MGAT5B: variants seen among roughly 807,000 people sequenced by gnomAD.
MGAT5B encodes N-acetylglucosaminyl-transferase Vb.
A neutral mutation model predicts 95.1 loss-of-function variants in MGAT5B; 54 were observed. That is an observed-to-expected ratio of 0.57 (90% CI 0.46 to 0.71). The LOEUF (loss-of-function observed/expected upper bound fraction) is 0.71. Among genes scored for constraint, MGAT5B ranks in the 30% least tolerant of loss-of-function variants. The pLI, the probability that MGAT5B is intolerant of heterozygous loss-of-function variation, is 0.00. For missense variants in MGAT5B, 935 were observed against 1,088.6 expected, an observed-to-expected ratio of 0.86 and a Z score of 1.99; for synonymous variants, 464 against 451.0, an observed-to-expected ratio of 1.03 and a Z score of -0.36.
At chr17:76,921,574 C>A (rs530927732) in intron 8 of MGAT5B, among the ~76,000 whole-genome samples, 4 of 152,096 alleles carry the variant, frequency 2.6e-5, no homozygotes, top group African/African-American at 9.7e-5. Flanking sequence ...CACCTTCCAC[C>A]CACTTCCCTG....
chr17:76,902,456 A>G (rs1968346358), intron 3 of MGAT5B, 99 bp from the exon 4 acceptor site: 1 of 829,118 alleles, frequency 1.2e-6, no homozygotes, highest in Admixed American at 2.3e-5. Flanking sequence ...GGGGCATTGC[A>G]GAGCCTGCCG....
intron 8 of MGAT5B, among the ~76,000 whole-genome samples, chr17:76,922,317 C>A (rs75073763): frequency 1.3e-5 from 2 of 152,144 alleles, no homozygotes; most frequent in African/African-American, 4.8e-5. Flanking sequence ...CAGCCACCCC[C>A]TTCCTGGTTT....
intron 8 of MGAT5B, among the ~76,000 whole-genome samples, chr17:76,908,062 A>G (rs570548341): frequency 6.6e-6 from 1 of 152,320 alleles, no homozygotes; most frequent in South Asian, 2.1e-4. Context: ...TAAGGATATA[A>G]ATTCTGTGGA....
At chr17:76,885,667 G>A (rs1286235435) in intron 3 of MGAT5B, among the ~76,000 whole-genome samples, 1 of 152,192 alleles carries the variant, frequency 6.6e-6, no homozygotes, top group African/African-American at 2.4e-5. Context: ...ATCACGACCG[G>A]CAGAGCCCAT....
At chr17:76,932,979 TC>T (rs776221367) in intron 11 of MGAT5B, among the ~76,000 whole-genome samples, 1 of 152,234 alleles carries the variant, frequency 6.6e-6, no homozygotes, top group Non-Finnish European at 1.5e-5. Flanking sequence ...ACAGCTTGTC[TC>T]CCGGACTCTC....
At chr17:76,891,047 C>T (rs189548020) in intron 3 of MGAT5B, among the ~76,000 whole-genome samples, 31 of 150,608 alleles carry the variant, frequency 2.1e-4, no homozygotes, top group African/African-American at 7.6e-4. Context: ...TCACTGCAAC[C>T]TCTGCCTCTC....
At position 76,948,970 on chromosome 17, in the gene MGAT5B, C is replaced by A; in HGVS notation, c.*132C>A. 4 of 1,087,582 alleles carry A rather than the reference C, an allele frequency of 3.7e-6. No individual in the cohort carries two copies. The highest frequency in any genetic ancestry group is 5.1e-6 in the Non-Finnish European group (4 of 777,210). The allele number at this position is 1,087,582 out of a possible 1,614,324, so 67.4% of individuals were successfully genotyped here. On this transcript the variant is annotated 3_prime_UTR_variant, in exon 18 of 18. Coordinates refer to ENST00000569840, the MANE Select transcript of MGAT5B (RefSeq NM_001199172.2). The stretch of plus-strand genomic sequence containing the variant: ...CCAGGCCGGAGCTTCCTTCCTTAGC[C>A]GGGAAGCTGGCAGAGGAGAGCCGTG...
At chr17:76,931,598 T>G (rs1330925462) in intron 10 of MGAT5B, among the ~76,000 whole-genome samples, 1 of 151,714 alleles carries the variant, frequency 6.6e-6, no homozygotes, top group African/African-American at 2.4e-5. Flanking sequence ...AAAGGTGCGG[T>G]GGGAGAGAAA....
At chr17:76,911,487 T>C (rs1598948981) in intron 8 of MGAT5B, among the ~76,000 whole-genome samples, 1 of 152,130 alleles carries the variant, frequency 6.6e-6, no homozygotes, top group African/African-American at 2.4e-5. Context: ...CCTGTGGAGG[T>C]GGCCCAGATG....
At chr17:76,927,279 C>T (rs936387182) in intron 10 of MGAT5B, among the ~76,000 whole-genome samples, 2 of 152,074 alleles carry the variant, frequency 1.3e-5, no homozygotes, top group Non-Finnish European at 2.9e-5. Context: ...CTCTATTGGT[C>T]AGGTTGCAGT....
intron 3 of MGAT5B, among the ~76,000 whole-genome samples, chr17:76,893,119 C>G (rs1967939253): frequency 6.6e-6 from 1 of 152,066 alleles, no homozygotes; most frequent in African/African-American, 2.4e-5. Flanking sequence ...TCCCTGTGGC[C>G]CTTGAGTGGC....
intron 3 of MGAT5B, among the ~76,000 whole-genome samples, chr17:76,892,000 T>G (rs1468926566): frequency 1.3e-5 from 2 of 152,084 alleles, no homozygotes; most frequent in East Asian, 3.9e-4. Context: ...CCCCACTGAA[T>G]AAGAAAAAGC....
rs1968519213 is a variant in MGAT5B, at chr17:76,906,129, G to A, written c.967G>A (p.Ala323Thr). The A allele has an allele frequency of 1.2e-6, 2 of 1,607,738 alleles. No individual in the cohort carries two copies. Among genetic ancestry groups the A allele is most frequent in the Non-Finnish European group, 1.7e-6 (2 of 1,177,632 alleles). ...EMVQWADILTALYVLGHGLRV... is the reference protein window; with the variant it reads ...EMVQWADILTTLYVLGHGLRV... ...GGTGCAGTGGGCGGACATTCTGACT[G>A]CACTCTATGTCCTGGGCCATGGCCT... The change falls in exon 8 of 18, where the codon GCA becomes ACA. Residue 323 changes from alanine (A) to threonine (T), a missense_variant. Physicochemically the swap from Ala to Thr is moderately conservative, Grantham distance 58 (BLOSUM62 0). This residue lies in a region of MGAT5B where 243 missense variants were observed against 305.5 expected (regional missense o/e 0.80). Transcript: ENST00000569840. This position sits in a 1 kb window ranked among gnomAD's most constrained non-coding sequence, Gnocchi z 4.6.
chr17:76,926,881 C>A, intron 10 of MGAT5B, 151 bp downstream of exon 10: 1 of 973,110 alleles, frequency 1.0e-6, no homozygotes. Flanking sequence ...CCTTCTCCTG[C>A]TCCATAAGTG....
chr17:76,870,039 C>A lies in MGAT5B; in HGVS notation c.68+942C>A, dbSNP rs1210328643. On this transcript the variant is annotated intron_variant, in intron 1 of 17. Coordinates refer to ENST00000569840, the MANE Select transcript of MGAT5B (RefSeq NM_001199172.2). The surrounding 1 kb of genome is among the most constrained non-coding windows in gnomAD (Gnocchi z 5.0). ...GAGGAAGCTGGGGGAGTGACCGCCC[C>A]GGCGCGGGGGCCGGACTCGGGACGT... is the stretch of plus-strand genomic sequence containing the variant. Among the ~76,000 whole-genome samples, 1 of 152,178 alleles carries A rather than the reference C, an allele frequency of 6.6e-6. No individual in the cohort carries two copies. The highest frequency in any genetic ancestry group is 2.4e-5 in the African/African-American group (1 of 41,450).
At position 76,869,248 on chromosome 17, in the gene MGAT5B, A is replaced by C; in HGVS notation, c.68+151A>C. 4 of 660,076 alleles carry C rather than the reference A, an allele frequency of 6.1e-6. No individual in the cohort carries two copies. The highest frequency in any genetic ancestry group is 1.7e-5 in the South Asian group (1 of 59,908). The allele number at this position is 660,076 out of a possible 1,614,324, so 40.9% of individuals were successfully genotyped here. ...TGACCAGTGGGGCTGGGCTGGGGGA[A>C]CGGATGGCGTTGGGGTTCGGGGTGC... On this transcript the variant is annotated intron_variant, in intron 1 of 17. Coordinates refer to ENST00000569840, the MANE Select transcript of MGAT5B (RefSeq NM_001199172.2). This position sits in a 1 kb window ranked among gnomAD's most constrained non-coding sequence, Gnocchi z 7.0.
rs1181895390 is a variant in MGAT5B at position 76,905,604 on chromosome 17, C to T, written c.855+271C>T. Among the ~76,000 whole-genome samples the T allele has an allele frequency of 1.3e-5, 2 of 152,168 alleles. No individual in the cohort carries two copies. The highest frequency in any genetic ancestry group is 1.3e-4 in the Admixed American group (2 of 15,278). ...TCAGGCAGAAAAGTCATGGTATTGG[C>T]CTGGAAAGTTGGGAATGTTCTGGGG... On this transcript the variant is annotated intron_variant, in intron 7 of 17. Coordinates refer to ENST00000569840, the MANE Select transcript of MGAT5B (RefSeq NM_001199172.2). This position sits in a 1 kb window ranked among gnomAD's most constrained non-coding sequence, Gnocchi z 4.2.
Position 76,905,286 on chromosome 17 carries a change from C to T in MGAT5B, c.808C>T (p.Gln270Ter), listed in dbSNP as rs573287009. The change falls in exon 7 of 18, where the codon CAG becomes TAG. Residue 270 changes from glutamine to a stop codon, truncating the protein, a stop_gained. Coordinates refer to ENST00000569840, the MANE Select transcript of MGAT5B (RefSeq NM_001199172.2). LOFTEE classifies it high-confidence loss of function. This position sits in a 1 kb window ranked among gnomAD's most constrained non-coding sequence, Gnocchi z 4.2. ...CACAGCCCAGTGGGCGCTGGCTGCCCAGCGCCTGGCACAGAAGCTGGGGGC... is the reference window on the plus strand; with the variant it reads ...CACAGCCCAGTGGGCGCTGGCTGCCTAGCGCCTGGCACAGAAGCTGGGGGC... The part of the protein sequence containing the change: ...RLTAQWALAA[Q>*]RLAQKLGATQ... The T allele has an allele frequency of 6.2e-7, 1 of 1,608,122 alleles. No individual in the cohort carries two copies. The highest frequency in any genetic ancestry group is 1.1e-5 in the South Asian group (1 of 90,944).
rs544150929 is a variant in MGAT5B at position 76,927,995 on chromosome 17, A to G, written c.1291+1265A>G. ...GGCATCTCTTGTGGGTGCTTGGACTATTCTTTTTTTTCTGATTCTCTAGAC... is the reference window on the plus strand; with the variant it reads ...GGCATCTCTTGTGGGTGCTTGGACTGTTCTTTTTTTTCTGATTCTCTAGAC... On this transcript the variant is annotated intron_variant, in intron 10 of 17. Transcript: ENST00000569840. 9.2e-5 allele frequency among the ~76,000 whole-genome samples: 14 copies of G among 152,224 alleles called. No individual in the cohort carries two copies. The East Asian group carries it at 2.5e-3, about 27-fold the overall frequency.
Sources: gnomAD v4.1 joint callset for allele counts (sites outside exome capture counted in the v4.1 genomes callset) on GRCh38, gnomAD v4.1.1 for gene constraint, gnomAD v4.1.1 regional missense constraint, Gnocchi (gnomAD v3.1) non-coding constraint, MANE v1.5 for transcripts, NCBI Gene and HGNC (gene_info 2026-07-23, HGNC 2026-07-21) for gene names.